The following IKZF2 variants were observed in gnomAD, a reference collection of about 807,000 sequenced individuals.
The protein encoded by IKZF2 is IKAROS family zinc finger 2.
A neutral mutation model predicts 49.2 loss-of-function variants in IKZF2; 15 were observed. That is an observed-to-expected ratio of 0.30 (90% CI 0.20 to 0.47). The LOEUF (loss-of-function observed/expected upper bound fraction) is 0.47. Among genes scored for constraint, IKZF2 ranks in the 20% least tolerant of loss-of-function variants. IKZF2 has a pLI of 1.00. For missense variants in IKZF2, 567 were observed against 664.6 expected, an observed-to-expected ratio of 0.85 and a Z score of 1.61; for synonymous variants, 227 against 221.4, an observed-to-expected ratio of 1.03 and a Z score of -0.23.
At chr2:213,080,600 A>C in intron 4 of IKZF2, among the ~76,000 whole-genome samples, 1 of 152,348 alleles carries the variant, frequency 6.6e-6, no homozygotes, top group South Asian at 2.1e-4. Flanking sequence ...ACTAGTTCAA[A>C]ATAAATGAGA....
At chr2:213,029,924 C>T (rs1410902393) in intron 6 of IKZF2, among the ~76,000 whole-genome samples, 1 of 152,080 alleles carries the variant, frequency 6.6e-6, no homozygotes, top group Non-Finnish European at 1.5e-5. Context: ...ATTTCTTTTA[C>T]ACTTGCATTA....
chr2:213,082,361 T>A (rs1704048395), intron 4 of IKZF2, among the ~76,000 whole-genome samples: 1 of 152,186 alleles, frequency 6.6e-6, no homozygotes, highest in Non-Finnish European at 1.5e-5. Flanking sequence ...ATATACAAGG[T>A]ACAGCAAATG....
intron 2 of IKZF2, among the ~76,000 whole-genome samples, chr2:213,149,120 A>G (rs1244169315): frequency 3.3e-5 from 5 of 152,178 alleles, no homozygotes; most frequent in Non-Finnish European, 7.4e-5. Flanking sequence ...TAAGAAAACA[A>G]AACAAAACAA....
Position 213,055,508 on chromosome 2 carries a change from T to C in IKZF2, c.406+1325A>G, listed in dbSNP as rs181719447. On this transcript the variant is annotated intron_variant, in intron 5 of 8. Coordinates refer to ENST00000434687, the MANE Select transcript of IKZF2 (RefSeq NM_001387220.1). Reference sequence around the variant, plus strand: ...TGACTGTATGATTGGAATAAGTATATATGTTCTAAAGCTGATGATTTTGAT... The same window carrying C: ...TGACTGTATGATTGGAATAAGTATACATGTTCTAAAGCTGATGATTTTGAT... Among the ~76,000 whole-genome samples the C allele has an allele frequency of 1.1e-4, 16 of 152,226 alleles. No homozygotes were observed. In the East Asian group the frequency reaches 2.3e-3, roughly 22 times the overall value.
intron 4 of IKZF2, among the ~76,000 whole-genome samples, chr2:213,088,665 G>A (rs1048967894): frequency 1.3e-5 from 2 of 152,138 alleles, no homozygotes; most frequent in Non-Finnish European, 2.9e-5. Context: ...ATCTGAGGCA[G>A]GAGAATCGCT....
chr2:213,013,608 T>G (rs1233905145), intron 8 of IKZF2, among the ~76,000 whole-genome samples, 183 bp downstream of exon 8: 4 of 152,042 alleles, frequency 2.6e-5, no homozygotes, highest in Admixed American at 6.6e-5. Flanking sequence ...CATATGTATT[T>G]GTGTGTGTTG....
chr2:213,098,027 A>C, intron 4 of IKZF2: 1 of 242,676 alleles, frequency 4.1e-6, no homozygotes, highest in African/African-American at 2.3e-5. Flanking sequence ...AATCAATCTC[A>C]AAAAAGTCAC....
intron 4 of IKZF2, among the ~76,000 whole-genome samples, chr2:213,097,459 T>C (rs1185555813): frequency 6.6e-6 from 1 of 152,080 alleles, no homozygotes. Context: ...CTTGATGACA[T>C]ACTTTTAAAA....
intron 4 of IKZF2, among the ~76,000 whole-genome samples, chr2:213,068,912 AACACACACAC>A (rs3069572): frequency 2.2e-4 from 32 of 147,284 alleles, no homozygotes; most frequent in Admixed American, 6.2e-4. Context: ...GGAGGGAGAA[AACACACACAC>A]ACACACACAC....
chr2:213,129,285 G>A (rs1018950495), intron 4 of IKZF2, among the ~76,000 whole-genome samples: 2 of 148,818 alleles, frequency 1.3e-5, no homozygotes, highest in South Asian at 4.4e-4. Flanking sequence ...AATAAAACAG[G>A]ATAATGTCAT....
intron 6 of IKZF2, among the ~76,000 whole-genome samples, chr2:213,045,557 T>C (rs1700070784): frequency 6.6e-6 from 1 of 152,176 alleles, no homozygotes; most frequent in South Asian, 2.1e-4. Context: ...GAATATTATA[T>C]TCATGACATT....
chr2:213,048,796 A>G (rs904407951), intron 6 of IKZF2, among the ~76,000 whole-genome samples: 1 of 152,078 alleles, frequency 6.6e-6, no homozygotes, highest in Admixed American at 6.6e-5. Flanking sequence ...ATGTAAAGAG[A>G]GATAATACAA....
Position 213,000,995 on chromosome 2 carries a change from T to G in IKZF2, c.*6365A>C, listed in dbSNP as rs1053416264. 6.6e-6 allele frequency: 1 copy of G among 151,794 alleles called. No homozygotes were observed. Among genetic ancestry groups the G allele is most frequent in the Non-Finnish European group, 1.5e-5 (1 of 67,554 alleles). 9.4% of individuals were successfully genotyped at this position (151,794 alleles called of 1,614,324 possible). On this transcript the variant is annotated 3_prime_UTR_variant, in exon 9 of 9. Coordinates refer to ENST00000434687, the MANE Select transcript of IKZF2 (RefSeq NM_001387220.1). ...ATTGTGGAGTGTTTTTCTCTTTGCT[T>G]GTTGTGTCCTTTAACATACTATGAC...
chr2:213,104,441 GAA>G (rs1261708085), intron 4 of IKZF2, among the ~76,000 whole-genome samples: 3 of 151,988 alleles, frequency 2.0e-5, no homozygotes, highest in South Asian at 4.1e-4. Context: ...ACTGAGTGAA[GAA>G]AAAAGAGTTT....
intron 7 of IKZF2, among the ~76,000 whole-genome samples, chr2:213,020,717 T>C (rs1697117314): frequency 6.6e-6 from 1 of 152,080 alleles, no homozygotes; most frequent in Non-Finnish European, 1.5e-5. Context: ...TTAAAAAAAT[T>C]CCCAACTCAA....
intron 6 of IKZF2, among the ~76,000 whole-genome samples, chr2:213,046,006 A>G (rs1700114299): frequency 6.6e-6 from 1 of 152,152 alleles, no homozygotes; most frequent in Admixed American, 6.6e-5. Flanking sequence ...GCAAATGGAG[A>G]TGCTGTATGA....
At chr2:213,125,447 C>G (rs142892615) in intron 4 of IKZF2, among the ~76,000 whole-genome samples, 1 of 152,112 alleles carries the variant, frequency 6.6e-6, no homozygotes, top group Admixed American at 6.5e-5. Flanking sequence ...GTCAAACATA[C>G]GTAGATACCA....
chr2:213,112,054 T>C (rs1420276727), intron 4 of IKZF2, among the ~76,000 whole-genome samples: 1 of 152,146 alleles, frequency 6.6e-6, no homozygotes, highest in Non-Finnish European at 1.5e-5. Flanking sequence ...CAGAAAGATT[T>C]GCAGAGGAGA....
chr2:213,020,329 T>G (rs1312539954), intron 7 of IKZF2, among the ~76,000 whole-genome samples: 1 of 152,200 alleles, frequency 6.6e-6, no homozygotes, highest in Non-Finnish European at 1.5e-5. Context: ...AGTTATTTAA[T>G]GTTCTCAAAT....
Sources: allele counts gnomAD v4.1 joint callset (sites outside exome capture counted in the v4.1 genomes callset), GRCh38; gene constraint gnomAD v4.1.1; transcripts MANE v1.5; gene names NCBI Gene and HGNC (gene_info 2026-07-23, HGNC 2026-07-21).